The following HMCN1 variants were observed in gnomAD, a reference collection of about 807,000 sequenced individuals.
The protein encoded by HMCN1 is hemicentin 1.
Under a neutral mutation model 625.9 loss-of-function variants are expected in HMCN1, and 321 were observed. That is an observed-to-expected ratio of 0.51 (90% CI 0.47 to 0.56). HMCN1 has a LOEUF of 0.56. HMCN1 is among the 20% of genes least tolerant of loss of function. The pLI is 0.00. For synonymous variants in HMCN1, 2,425 were observed against 2,417.6 expected, an observed-to-expected ratio of 1.00 and a Z score of -0.09; for missense variants, 6,588 against 6,887.3, an observed-to-expected ratio of 0.96 and a Z score of 1.54.
At chr1:186,152,533 C>T (rs138055944) in intron 95 of HMCN1, among the ~76,000 whole-genome samples, 139 of 152,288 alleles carry the variant, frequency 9.1e-4, no homozygotes, top group African/African-American at 3.1e-3. Flanking sequence ...CCGTTTGCCA[C>T]ATTTTTGCTA....
intron 36 of HMCN1, among the ~76,000 whole-genome samples, chr1:186,031,455 G>A (rs1345020189): frequency 1.3e-5 from 2 of 150,280 alleles, no homozygotes; most frequent in Non-Finnish European, 3.0e-5. Context: ...CTTAGTTGTT[G>A]GTTTTAAACA....
At chr1:185,883,352 A>G (rs1664427779) in intron 4 of HMCN1, among the ~76,000 whole-genome samples, 1 of 152,068 alleles carries the variant, frequency 6.6e-6, no homozygotes, top group Admixed American at 6.5e-5. Context: ...TTCCACTACA[A>G]TTATGATACA....
intron 53 of HMCN1, among the ~76,000 whole-genome samples, chr1:186,075,655 C>T (rs1016161239): frequency 6.6e-6 from 1 of 151,926 alleles, no homozygotes; most frequent in East Asian, 1.9e-4. Flanking sequence ...GCTAACTATT[C>T]GACATGATTT....
At chr1:185,837,364 A>C (rs1661231379) in intron 1 of HMCN1, among the ~76,000 whole-genome samples, 1 of 151,942 alleles carries the variant, frequency 6.6e-6, no homozygotes, top group African/African-American at 2.4e-5. Flanking sequence ...ACTATGACTA[A>C]ATGTGAGCTT....
At chr1:186,006,738 G>A (rs1042390324) in intron 29 of HMCN1, among the ~76,000 whole-genome samples, 13 of 151,074 alleles carry the variant, frequency 8.6e-5, no homozygotes, top group Admixed American at 5.3e-4. Context: ...AATCTATACT[G>A]TAATATTTAA....
intron 35 of HMCN1, 51 bp from the exon 36 acceptor site, chr1:186,022,978 CA>C: frequency 6.4e-7 from 1 of 1,571,988 alleles, no homozygotes; most frequent in East Asian, 2.2e-5. Flanking sequence ...TGAATATTTT[CA>C]AATCCAAGTA....
At chr1:186,083,167 T>C (rs552570535) in intron 57 of HMCN1, among the ~76,000 whole-genome samples, 11 of 152,284 alleles carry the variant, frequency 7.2e-5, no homozygotes, top group African/African-American at 2.6e-4. Context: ...GTTTTTATAT[T>C]ACTTCAGTGT....
chr1:186,003,632 T>C, intron 28 of HMCN1, 86 bp from the exon 29 acceptor site: 1 of 1,251,424 alleles, frequency 8.0e-7, no homozygotes, highest in South Asian at 1.2e-5. Flanking sequence ...GTTGAAATAC[T>C]ATAGAAATCA....
intron 105 of HMCN1, among the ~76,000 whole-genome samples, chr1:186,184,695 C>CAAGT (rs944770623): frequency 6.6e-6 from 1 of 152,136 alleles, no homozygotes; most frequent in African/African-American, 2.4e-5. Context: ...ACAGATGTTT[C>CAAGT]AAGTATGTTT....
rs569164998 is a variant in HMCN1 at position 186,150,158 on chromosome 1, A to G, written c.14609-1042A>G. Among the ~76,000 whole-genome samples, 11 of 152,338 alleles carry G rather than the reference A, an allele frequency of 7.2e-5. No individual in the cohort carries two copies. The South Asian group carries it at 2.3e-3, about 32-fold the overall frequency. ...TAAAAAAAACGCAGTGTCTGCAAAG[A>G]GCAACAAAGCAAAGTATGATAAAAC... On this transcript the variant is annotated intron_variant, in intron 93 of 106. Coordinates refer to ENST00000271588, the MANE Select transcript of HMCN1 (RefSeq NM_031935.3).
rs1661407884 is a variant in HMCN1 at position 185,840,432 on chromosome 1, C to G, written c.269-5594C>G. Among the ~76,000 whole-genome samples, 3 of 152,268 alleles carry G rather than the reference C, an allele frequency of 2.0e-5. No individual in the cohort carries two copies. The South Asian group carries it at 6.2e-4, about 32-fold the overall frequency. ...GTGGGAGGGACATGTTGACTTTCAG[C>G]TCATGAATGGCATTTTGAGGAGGCC... On this transcript the variant is annotated intron_variant, in intron 1 of 106. Coordinates refer to ENST00000271588, the MANE Select transcript of HMCN1 (RefSeq NM_031935.3).
intron 57 of HMCN1, among the ~76,000 whole-genome samples, chr1:186,084,149 C>T (rs1054557565): frequency 6.6e-6 from 1 of 152,122 alleles, no homozygotes; most frequent in African/African-American, 2.4e-5. Context: ...CTTCATATAT[C>T]TGTATCTATG....
At chr1:186,061,772 A>C (rs1657720191) in intron 46 of HMCN1, 79 bp from the exon 47 acceptor site, 1 of 897,142 alleles carries the variant, frequency 1.1e-6, no homozygotes, top group South Asian at 1.5e-5. Context: ...TTTTTACCGA[A>C]ATTGAGCATC....
intron 4 of HMCN1, among the ~76,000 whole-genome samples, chr1:185,899,384 GA>G (rs535429788): frequency 4.0e-5 from 6 of 151,892 alleles, no homozygotes; most frequent in Non-Finnish European, 8.8e-5. Context: ...AAAATGCAGC[GA>G]AAAAAATGCC....
rs752783716 is a variant in HMCN1 at position 186,090,856 on chromosome 1, C to T, written c.9826C>T (p.Pro3276Ser). Residue 3276 changes from proline (P) to serine (S), a missense_variant, in exon 64 of 107, where the codon CCA becomes TCA. Coordinates refer to ENST00000271588, the MANE Select transcript of HMCN1 (RefSeq NM_031935.3). ...LVCNANGIPTPLIQWLKDGKP... is the reference protein window; with the variant it reads ...LVCNANGIPTSLIQWLKDGKP... ...CTGCAATGCAAATGGCATTCCTACTCCACTTATTCAATGGCTTAAAGATGG... is the reference window on the plus strand; with the variant it reads ...CTGCAATGCAAATGGCATTCCTACTTCACTTATTCAATGGCTTAAAGATGG... 6.2e-7 allele frequency: 1 copy of T among 1,612,492 alleles called. No individual in the cohort carries two copies. Among genetic ancestry groups the T allele is most frequent in the East Asian group, 2.2e-5 (1 of 44,816 alleles).
intron 44 of HMCN1, 125 bp from the exon 45 acceptor site, chr1:186,055,268 C>T: frequency 1.1e-6 from 1 of 904,948 alleles, no homozygotes; most frequent in South Asian, 1.5e-5. Flanking sequence ...AGTCCTGGGT[C>T]TTTTCTTTAG....
At chr1:186,063,380 A>C (rs1296737585) in intron 48 of HMCN1, among the ~76,000 whole-genome samples, 1 of 150,698 alleles carries the variant, frequency 6.6e-6, no homozygotes, top group East Asian at 2.0e-4. Flanking sequence ...GGAAATACCA[A>C]AAAGAAAAGA....
chr1:185,930,946 A>G (rs1479886042), intron 10 of HMCN1, among the ~76,000 whole-genome samples: 1 of 151,610 alleles, frequency 6.6e-6, no homozygotes, highest in African/African-American at 2.4e-5. Flanking sequence ...ACACACACAG[A>G]GTACTAAAAT....
At chr1:185,757,502 A>G (rs539459661) in intron 1 of HMCN1, among the ~76,000 whole-genome samples, 1 of 152,218 alleles carries the variant, frequency 6.6e-6, no homozygotes, top group East Asian at 1.9e-4. Flanking sequence ...TTGAACTTCA[A>G]AGAGATATTT....
Sources: gnomAD v4.1 joint callset for allele counts (sites outside exome capture counted in the v4.1 genomes callset) on GRCh38, gnomAD v4.1.1 for gene constraint, MANE v1.5 for transcripts, NCBI Gene and HGNC (gene_info 2026-07-23, HGNC 2026-07-21) for gene names.